MTUS2: variants seen among roughly 807,000 people sequenced by gnomAD.
MTUS2 encodes the protein microtubule-associated tumor suppressor candidate 2.
In MTUS2, 40 loss-of-function variants were observed where a neutral mutation model predicts 114.1. That is an observed-to-expected ratio of 0.35 (90% CI 0.27 to 0.46). MTUS2 has a LOEUF of 0.46. MTUS2 is among the 20% of genes least tolerant of loss of function. The pLI, the probability that MTUS2 is intolerant of heterozygous loss-of-function variation, is 1.00. For synonymous variants in MTUS2, 688 were observed against 672.0 expected, an observed-to-expected ratio of 1.02 and a Z score of -0.37; for missense variants, 1,679 against 1,705.4, an observed-to-expected ratio of 0.98 and a Z score of 0.27.
intron 2 of MTUS2, among the ~76,000 whole-genome samples, chr13:28,987,317 C>T (rs1358725003): frequency 6.6e-6 from 1 of 152,138 alleles, no homozygotes; most frequent in Non-Finnish European, 1.5e-5. Flanking sequence ...TGCAGCACAT[C>T]TAGTGCAGCA....
At chr13:28,990,488 T>C (rs1252654663) in intron 2 of MTUS2, among the ~76,000 whole-genome samples, 1 of 151,462 alleles carries the variant, frequency 6.6e-6, no homozygotes, top group Non-Finnish European at 1.5e-5. Flanking sequence ...GTCTAAAGGA[T>C]TGTAAATGCA....
At chr13:29,376,945 G>A (rs1214520038) in intron 8 of MTUS2, among the ~76,000 whole-genome samples, 2 of 37,672 alleles carry the variant, frequency 5.3e-5, no homozygotes, top group Non-Finnish European at 6.1e-5. Context: ...GATGTAACAT[G>A]AAACCACAAA....
chr13:28,840,558 C>T (rs997223666), intron 2 of MTUS2, among the ~76,000 whole-genome samples: 1 of 152,160 alleles, frequency 6.6e-6, no homozygotes, highest in Admixed American at 6.5e-5. Context: ...AATCAAATTA[C>T]CCATCTTTAA....
intron 2 of MTUS2, among the ~76,000 whole-genome samples, chr13:28,985,421 G>T (rs540321473): frequency 1.3e-5 from 2 of 152,252 alleles, no homozygotes; most frequent in African/African-American, 4.8e-5. Context: ...AATTCAATAA[G>T]TGATAATTTG....
chr13:29,059,228 A>ATTTTTTTTTTTTTTTTTTTTTTTTTTT (rs35369352), intron 4 of MTUS2, among the ~76,000 whole-genome samples: 11 of 97,128 alleles, frequency 1.1e-4, no homozygotes, highest in Non-Finnish European at 1.4e-4. Flanking sequence ...TATTCTTTGG[A>ATTTTTTTTTTTTTTTTTTTTTTTTTTT]TTTTTTTTTT....
intron 4 of MTUS2, among the ~76,000 whole-genome samples, chr13:29,099,420 C>A (rs369995493): frequency 3.5e-4 from 53 of 152,312 alleles, no homozygotes; most frequent in African/African-American, 1.2e-3. Context: ...CACGGCTCTC[C>A]ATAGCCTCAC....
chr13:29,090,909 C>T (rs1367632638), intron 4 of MTUS2, among the ~76,000 whole-genome samples: 1 of 152,192 alleles, frequency 6.6e-6, no homozygotes, highest in African/African-American at 2.4e-5. Flanking sequence ...CAGTTCTCCC[C>T]ATGAATTCAA....
rs186173764 is a variant in MTUS2, at chr13:29,390,646, C to T, written c.3117+31173C>T. ...CAGCCTGGGTGACAGGGCGAGACTC[C>T]ATCTCAAAAAAAAAAAAAAGAAAGA... On this transcript the variant is annotated intron_variant, in intron 8 of 15. Transcript: ENST00000612955. Among the ~76,000 whole-genome samples the T allele has an allele frequency of 5.1e-3, 712 of 139,956 alleles. 7 individuals carry two copies. The highest frequency in any genetic ancestry group is 0.018 in the African/African-American group (664 of 36,500). 91.8% of individuals were successfully genotyped at this position (139,956 alleles called of 152,430 possible).
intron 2 of MTUS2, among the ~76,000 whole-genome samples, chr13:28,895,726 C>T (rs1163830057): frequency 2.0e-5 from 3 of 152,168 alleles, no homozygotes; most frequent in Non-Finnish European, 2.9e-5. Flanking sequence ...TGCAGAGAAG[C>T]AGTAGCCCTC....
At chr13:29,478,225 G>A (rs1199724240) in intron 9 of MTUS2, among the ~76,000 whole-genome samples, 1 of 152,212 alleles carries the variant, frequency 6.6e-6, no homozygotes, top group Non-Finnish European at 1.5e-5. Flanking sequence ...TAGAAAGGAC[G>A]TCATCGGAGT....
intron 2 of MTUS2, among the ~76,000 whole-genome samples, chr13:28,865,574 T>G (rs1172600200): frequency 6.6e-6 from 1 of 152,214 alleles, no homozygotes; most frequent in Non-Finnish European, 1.5e-5. Flanking sequence ...GCAAATTGTT[T>G]TAGCATCAAG....
At chr13:29,111,300 A>G (rs1890874017) in intron 5 of MTUS2, among the ~76,000 whole-genome samples, 1 of 152,210 alleles carries the variant, frequency 6.6e-6, no homozygotes. Flanking sequence ...AAATTTTAGA[A>G]CAATAACAGA....
intron 8 of MTUS2, among the ~76,000 whole-genome samples, chr13:29,389,647 A>C (rs1364220000): frequency 6.9e-6 from 1 of 144,250 alleles, no homozygotes; most frequent in African/African-American, 2.7e-5. Context: ...ATGTGTATGT[A>C]TATACGTATA....
intron 9 of MTUS2, among the ~76,000 whole-genome samples, chr13:29,451,061 A>G (rs1022349679): frequency 2.6e-5 from 4 of 152,208 alleles, no homozygotes; most frequent in African/African-American, 9.6e-5. Flanking sequence ...TCAGCTGTAG[A>G]AGACCTGAAC....
intron 8 of MTUS2, among the ~76,000 whole-genome samples, chr13:29,376,535 T>C (rs1458941230): frequency 6.6e-6 from 1 of 152,080 alleles, no homozygotes; most frequent in Non-Finnish European, 1.5e-5. Context: ...AATAATAAAA[T>C]GGTAGGTCTG....
chr13:29,160,956 A>G (rs1045934015), intron 5 of MTUS2, among the ~76,000 whole-genome samples: 1 of 152,164 alleles, frequency 6.6e-6, no homozygotes, highest in Non-Finnish European at 1.5e-5. Context: ...AAACCTCAAA[A>G]TGACAAAATT....
intron 5 of MTUS2, 87 bp from the exon 6 acceptor site, chr13:29,281,617 C>T: frequency 7.2e-7 from 1 of 1,379,382 alleles, no homozygotes; most frequent in Admixed American, 2.0e-5. Flanking sequence ...CAGATGACGG[C>T]AGTAGGATTG....
At chr13:29,298,367 G>T (rs1899040190) in intron 6 of MTUS2, among the ~76,000 whole-genome samples, 1 of 152,140 alleles carries the variant, frequency 6.6e-6, no homozygotes, top group Non-Finnish European at 1.5e-5. Flanking sequence ...AACTCTACTT[G>T]TGTCATAAAA....
chr13:29,149,468 A>G (rs1278059826), intron 5 of MTUS2, among the ~76,000 whole-genome samples: 14 of 151,964 alleles, frequency 9.2e-5, no homozygotes, highest in Admixed American at 3.3e-4. Context: ...CTCCCCTTCT[A>G]TAGGTTGCTT....
Sources: allele counts gnomAD v4.1 joint callset (sites outside exome capture counted in the v4.1 genomes callset), GRCh38; gene constraint gnomAD v4.1.1; transcripts MANE v1.5; gene names NCBI Gene and HGNC (gene_info 2026-07-23, HGNC 2026-07-21).